ZNF385D: variants seen among roughly 807,000 people sequenced by gnomAD.
The protein encoded by ZNF385D is zinc finger protein 659.
A neutral mutation model predicts 35.8 loss-of-function variants in ZNF385D; 15 were observed. The observed-to-expected ratio is 0.42, with a 90% CI of 0.28 to 0.64. The LOEUF is 0.64. ZNF385D is among the 30% of genes least tolerant of loss of function. ZNF385D has a pLI of 0.23. For missense variants in ZNF385D, 474 were observed against 494.6 expected, an observed-to-expected ratio of 0.96 and a Z score of 0.39; for synonymous variants, 212 against 186.8, an observed-to-expected ratio of 1.13 and a Z score of -1.10.
At chr3:22,264,311 T>C (rs1700785780) in intron 2 of ZNF385D, among the ~76,000 whole-genome samples, 1 of 152,006 alleles carries the variant, frequency 6.6e-6, no homozygotes, top group South Asian at 2.1e-4. Flanking sequence ...AGAAAGGAAG[T>C]TCACAGGGTC....
chr3:22,265,714 C>A (rs545713336), intron 2 of ZNF385D, among the ~76,000 whole-genome samples: 1 of 152,006 alleles, frequency 6.6e-6, no homozygotes, highest in South Asian at 2.1e-4. Flanking sequence ...GAATATCAAC[C>A]TTCCTGGGCC....
At chr3:21,435,803 G>C (rs1559445237) in intron 5 of ZNF385D, among the ~76,000 whole-genome samples, 4 of 152,152 alleles carry the variant, frequency 2.6e-5, no homozygotes, top group African/African-American at 7.2e-5. Flanking sequence ...CTTAAGGCCA[G>C]GTACTTTTCT....
chr3:22,304,778 T>C (rs1418175110), intron 2 of ZNF385D, among the ~76,000 whole-genome samples: 4 of 152,180 alleles, frequency 2.6e-5, no homozygotes, highest in Non-Finnish European at 5.9e-5. Context: ...ATCAGGCATA[T>C]AAGAACTATT....
intron 1 of ZNF385D, among the ~76,000 whole-genome samples, chr3:21,678,306 T>G (rs748590239): frequency 6.6e-6 from 1 of 152,042 alleles, no homozygotes; most frequent in Admixed American, 6.6e-5. Flanking sequence ...TGTAACTCAG[T>G]AAATGGGAGA....
chr3:21,941,490 C>CTTTTTTTTT (rs531693623), intron 3 of ZNF385D, among the ~76,000 whole-genome samples: 1 of 63,622 alleles, frequency 1.6e-5, no homozygotes, highest in Non-Finnish European at 2.7e-5. Context: ...TTCCATTACT[C>CTTTTTTTTT]TTTTTTTTTT....
intron 2 of ZNF385D, among the ~76,000 whole-genome samples, chr3:22,301,799 T>C (rs1015416355): frequency 1.3e-5 from 2 of 152,100 alleles, no homozygotes; most frequent in African/African-American, 4.8e-5. Context: ...TAGAAATACA[T>C]GTTATGCAGC....
chr3:22,361,663 A>G (rs984871074), intron 2 of ZNF385D, among the ~76,000 whole-genome samples: 1 of 152,058 alleles, frequency 6.6e-6, no homozygotes, highest in Non-Finnish European at 1.5e-5. Flanking sequence ...TGATAGACTT[A>G]GCAGAAACTA....
At chr3:21,597,168 A>G (rs1396246977) in intron 2 of ZNF385D, among the ~76,000 whole-genome samples, 3 of 152,176 alleles carry the variant, frequency 2.0e-5, no homozygotes, top group East Asian at 1.9e-4. Context: ...GGTTTAATCA[A>G]CCAATTATAA....
At chr3:21,944,815 A>G in intron 3 of ZNF385D, among the ~76,000 whole-genome samples, 1 of 152,140 alleles carries the variant, frequency 6.6e-6, no homozygotes. Context: ...TTTCCAGAAT[A>G]AATGAGCAAA....
At chr3:22,269,983 T>C (rs1701092187) in intron 2 of ZNF385D, among the ~76,000 whole-genome samples, 1 of 151,944 alleles carries the variant, frequency 6.6e-6, no homozygotes, top group African/African-American at 2.4e-5. Context: ...CTTCTCAGAC[T>C]TTAATGTACG....
chr3:21,925,247 T>C (rs1199535833), intron 3 of ZNF385D, among the ~76,000 whole-genome samples: 1 of 152,084 alleles, frequency 6.6e-6, no homozygotes, highest in Non-Finnish European at 1.5e-5. Context: ...TTTCAAGACT[T>C]TCTATATAGC....
chr3:22,196,704 A>G (rs1696442804), intron 2 of ZNF385D, among the ~76,000 whole-genome samples: 1 of 151,998 alleles, frequency 6.6e-6, no homozygotes, highest in South Asian at 2.1e-4. Context: ...CACTTGTTTT[A>G]CGTCATTTAT....
chr3:21,599,321 A>G (rs2064215857), intron 2 of ZNF385D, among the ~76,000 whole-genome samples: 1 of 152,240 alleles, frequency 6.6e-6, no homozygotes, highest in African/African-American at 2.4e-5. Context: ...CAAATACTGA[A>G]CACATACTAC....
chr3:21,478,303 C>T (rs1704379319), intron 4 of ZNF385D, among the ~76,000 whole-genome samples: 1 of 152,046 alleles, frequency 6.6e-6, no homozygotes, highest in African/African-American at 2.4e-5. Context: ...ACTTTCTCTG[C>T]AGTGTTCTTC....
chr3:22,227,192 G>C lies in ZNF385D; in HGVS notation c.107-58157C>G, dbSNP rs193018675. ...TATATATGTGTATGTGGGGCGGGGG[G>C]GGTGTAGGTGCTTGTCATCCAAGGT... On this transcript the variant is annotated intron_variant, in intron 2 of 5. Transcript: ENST00000494108. 3.5e-3 allele frequency among the ~76,000 whole-genome samples: 539 copies of C among 151,934 alleles called. 7 individuals are homozygous for C. Among genetic ancestry groups the C allele is most frequent in the African/African-American group, 0.013 (518 of 41,320 alleles).
intron 3 of ZNF385D, among the ~76,000 whole-genome samples, chr3:21,974,620 C>A (rs972802541): frequency 1.3e-5 from 2 of 151,910 alleles, no homozygotes; most frequent in Non-Finnish European, 2.9e-5. Flanking sequence ...ATACAATCAA[C>A]AAATTGAAGA....
At chr3:21,895,319 C>CTTTTTTTT (rs34167369) in intron 3 of ZNF385D, among the ~76,000 whole-genome samples, 1 of 62,690 alleles carries the variant, frequency 1.6e-5, no homozygotes, top group Non-Finnish European at 2.8e-5. Flanking sequence ...AAATGTGTGG[C>CTTTTTTTT]TTTTTTTTTT....
intron 2 of ZNF385D, among the ~76,000 whole-genome samples, chr3:22,331,812 CATA>C (rs759569348): frequency 5.3e-5 from 8 of 152,110 alleles, no homozygotes; most frequent in Non-Finnish European, 1.0e-4. Flanking sequence ...AATATAGTGA[CATA>C]ATAATTGAAT....
chr3:22,265,799 G>A (rs559752870), intron 2 of ZNF385D, among the ~76,000 whole-genome samples: 1 of 151,916 alleles, frequency 6.6e-6, no homozygotes, highest in Non-Finnish European at 1.5e-5. Flanking sequence ...TTTAACATTT[G>A]CTGCCTCATT....
Sources: allele counts gnomAD v4.1 joint callset (sites outside exome capture counted in the v4.1 genomes callset), GRCh38; gene constraint gnomAD v4.1.1; transcripts MANE v1.5; gene names NCBI Gene and HGNC (gene_info 2026-07-23, HGNC 2026-07-21).